The following VWA8 variants were observed in gnomAD, a reference collection of about 807,000 sequenced individuals.
The protein encoded by VWA8 is von Willebrand factor A domain-containing protein 8.
A neutral mutation model predicts 241.5 loss-of-function variants in VWA8; 221 were observed. The observed-to-expected ratio is 0.91, with a 90% confidence interval of 0.82 to 1.02. The LOEUF is 1.02. Among genes scored for constraint, VWA8 ranks in the 50% least tolerant of loss-of-function variants. The pLI, the probability that VWA8 is intolerant of heterozygous loss-of-function variation, is 0.00. For missense variants in VWA8, 2,322 were observed against 2,328.7 expected, an observed-to-expected ratio of 1.00 and a Z score of 0.06; for synonymous variants, 852 against 827.1, an observed-to-expected ratio of 1.03 and a Z score of -0.52.
chr13:41,883,420 A>G lies in VWA8; in HGVS notation c.1047T>C (p.His349=). ...CACCTTCCACAGCCATCTTCCCTTCATGACCTAGTAAAATACTATATGGAT... is the reference window on the plus strand; with the variant it reads ...CACCTTCCACAGCCATCTTCCCTTCGTGACCTAGTAAAATACTATATGGAT... ...WLYPYSILLG[H]EGKMAVEGVL... Residue 349 remains histidine, a synonymous_variant, in exon 9 of 45, where the codon CAT becomes CAC. Coordinates refer to ENST00000379310, the MANE Select transcript of VWA8 (RefSeq NM_015058.2). 6.2e-7 allele frequency: 1 copy of G among 1,613,646 alleles called. No homozygotes were observed. The highest frequency in any genetic ancestry group is 8.5e-7 in the Non-Finnish European group (1 of 1,179,650).
chr13:41,798,515 T>C (rs1869805960), intron 17 of VWA8, among the ~76,000 whole-genome samples: 1 of 152,246 alleles, frequency 6.6e-6, no homozygotes, highest in South Asian at 2.1e-4. Context: ...TGTAAAGTTG[T>C]CGGCTTGATA....
At chr13:41,866,658 T>A (rs1873328765) in intron 10 of VWA8, among the ~76,000 whole-genome samples, 4 of 152,178 alleles carry the variant, frequency 2.6e-5, no homozygotes. Flanking sequence ...AAAAATCATG[T>A]CATCTTAATG....
At chr13:41,615,204 G>A in intron 37 of VWA8, 120 bp from the exon 38 acceptor site, 1 of 957,330 alleles carries the variant, frequency 1.0e-6, no homozygotes, top group Non-Finnish European at 1.5e-6. Context: ...CAGGCCACTG[G>A]ACTTGATAAA....
At chr13:41,932,905 A>T (rs1877189635) in intron 2 of VWA8, among the ~76,000 whole-genome samples, 1 of 152,090 alleles carries the variant, frequency 6.6e-6, no homozygotes, top group African/African-American at 2.4e-5. Flanking sequence ...ATCCGGAATA[A>T]GACGTTCTCT....
intron 27 of VWA8, among the ~76,000 whole-genome samples, chr13:41,702,809 T>C (rs939468198): frequency 7.2e-5 from 11 of 152,340 alleles, no homozygotes; most frequent in African/African-American, 2.6e-4. Context: ...ATCTTGAAAT[T>C]ACAAGTCCAG....
intron 3 of VWA8, 61 bp from the exon 4 acceptor site, chr13:41,907,757 G>C: frequency 3.4e-6 from 5 of 1,449,300 alleles, no homozygotes; most frequent in South Asian, 2.3e-5. Context: ...ATATGATTTG[G>C]AACTAGTTAT....
chr13:41,684,596 T>C (rs2045122588), intron 35 of VWA8, among the ~76,000 whole-genome samples: 1 of 152,156 alleles, frequency 6.6e-6, no homozygotes, highest in Admixed American at 6.6e-5. Flanking sequence ...AGTGAATTTA[T>C]ACAAGGAAAG....
chr13:41,672,866 T>A (rs1266374044), intron 36 of VWA8, among the ~76,000 whole-genome samples: 1 of 152,178 alleles, frequency 6.6e-6, no homozygotes, highest in Non-Finnish European at 1.5e-5. Flanking sequence ...TCAAGAATAA[T>A]GAAATTTATC....
rs1047850364 is a variant in VWA8, at chr13:41,745,068, T to C, written c.2427-12913A>G. On this transcript the variant is annotated intron_variant, in intron 21 of 44. Coordinates refer to ENST00000379310, the MANE Select transcript of VWA8 (RefSeq NM_015058.2). ...TGTTAGCCAGGATGGTCTCATCTCC[T>C]GACCTCATTATCCACCCGCCTTGGC... Among the ~76,000 whole-genome samples, 6 of 152,098 alleles carry C rather than the reference T, an allele frequency of 3.9e-5. No individual in the cohort carries two copies. The East Asian group carries it at 5.8e-4, about 15-fold the overall frequency.
At chr13:41,911,692 A>G (rs1465546844) in intron 3 of VWA8, among the ~76,000 whole-genome samples, 1 of 152,214 alleles carries the variant, frequency 6.6e-6, no homozygotes, top group Non-Finnish European at 1.5e-5. Flanking sequence ...AGCCTGAGAT[A>G]AGGGAATGTT....
At chr13:41,883,683 T>A (rs1373182320) in intron 8 of VWA8, among the ~76,000 whole-genome samples, 192 bp from the exon 9 acceptor site, 2 of 152,172 alleles carry the variant, frequency 1.3e-5, no homozygotes, top group Non-Finnish European at 2.9e-5. Flanking sequence ...TGGGTAAGCT[T>A]ACCCATTCCC....
chr13:41,638,191 C>T (rs762367731), intron 37 of VWA8, among the ~76,000 whole-genome samples: 8 of 152,128 alleles, frequency 5.3e-5, no homozygotes, highest in Non-Finnish European at 8.8e-5. Flanking sequence ...AGCTTGAAAC[C>T]TGTTTATATC....
At chr13:41,653,015 CTATT>C (rs1306005837) in intron 37 of VWA8, among the ~76,000 whole-genome samples, 1 of 152,084 alleles carries the variant, frequency 6.6e-6, no homozygotes, top group Non-Finnish European at 1.5e-5. Context: ...AAATCTGGAG[CTATT>C]TAAAGTTAAT....
chr13:41,829,590 A>G (rs1044368319), intron 14 of VWA8, among the ~76,000 whole-genome samples: 7 of 150,424 alleles, frequency 4.7e-5, no homozygotes, highest in South Asian at 2.1e-4. Flanking sequence ...CACACCATGG[A>G]ATACTACTCA....
rs573112018 is a variant in VWA8, at chr13:41,707,593, A to G, written c.3117-4182T>C. ...ACTCATTCCTGATGTTTTAAATCTAATTTCTGGCAAAAATTAAGTTGAGTT... is the reference window on the plus strand; with the variant it reads ...ACTCATTCCTGATGTTTTAAATCTAGTTTCTGGCAAAAATTAAGTTGAGTT... On this transcript the variant is annotated intron_variant, in intron 26 of 44. Coordinates refer to ENST00000379310, the MANE Select transcript of VWA8 (RefSeq NM_015058.2). Among the ~76,000 whole-genome samples the G allele has an allele frequency of 9.8e-5, 15 of 152,304 alleles. No individual in the cohort carries two copies. The East Asian group carries it at 2.9e-3, about 29-fold the overall frequency.
At chr13:41,779,406 G>A (rs1006689784) in intron 19 of VWA8, among the ~76,000 whole-genome samples, 1 of 151,698 alleles carries the variant, frequency 6.6e-6, no homozygotes, top group Non-Finnish European at 1.5e-5. Flanking sequence ...TATCTTGGTC[G>A]TTTTTATTTT....
intron 41 of VWA8, among the ~76,000 whole-genome samples, chr13:41,588,969 T>C (rs2044437525): frequency 6.6e-6 from 1 of 152,230 alleles, no homozygotes; most frequent in African/African-American, 2.4e-5. Context: ...CAAACACATT[T>C]GTTGACCACA....
At chr13:41,829,563 A>G (rs1267369846) in intron 14 of VWA8, among the ~76,000 whole-genome samples, 9 of 135,948 alleles carry the variant, frequency 6.6e-5, no homozygotes, top group African/African-American at 2.3e-4. Flanking sequence ...ACACACACAC[A>G]CACATGCACA....
chr13:41,722,136 A>C (rs2045397921), intron 24 of VWA8, among the ~76,000 whole-genome samples: 1 of 152,148 alleles, frequency 6.6e-6, no homozygotes, highest in South Asian at 2.1e-4. Flanking sequence ...AAAAAGGGAG[A>C]ATTAGTAGCA....
Sources: gnomAD v4.1 joint callset for allele counts (sites outside exome capture counted in the v4.1 genomes callset) on GRCh38, gnomAD v4.1.1 for gene constraint, MANE v1.5 for transcripts, NCBI Gene and HGNC (gene_info 2026-07-23, HGNC 2026-07-21) for gene names.